Variants in PPP1R21 observed in about 807,000 individuals in gnomAD.
PPP1R21 encodes the protein KLRAQ motif containing 1.
PPP1R21 carries 85 observed loss-of-function variants against 112.8 expected under a neutral mutation model. The observed-to-expected ratio is 0.75, with a 90% CI of 0.63 to 0.90. PPP1R21 has a LOEUF of 0.90. PPP1R21 is among the 40% of genes least tolerant of loss of function. PPP1R21 has a pLI of 0.00. For synonymous variants in PPP1R21, 381 were observed against 322.3 expected, an observed-to-expected ratio of 1.18 and a Z score of -1.95; for missense variants, 1,199 against 901.5, an observed-to-expected ratio of 1.33 and a Z score of -4.23.
At chr2:48,498,800 TCAA>T in intron 17 of PPP1R21, 65 bp downstream of exon 17, 2 of 1,513,966 alleles carry the variant, frequency 1.3e-6, no homozygotes, top group Non-Finnish European at 1.8e-6. Context: ...TATCTAATGT[TCAA>T]CATTAACCAT....
At chr2:48,493,017 T>C (rs1398379326) in intron 15 of PPP1R21, among the ~76,000 whole-genome samples, 17 of 143,254 alleles carry the variant, frequency 1.2e-4, no homozygotes, top group Non-Finnish European at 1.5e-5. Flanking sequence ...TTACCTTTTT[T>C]TTTTTTTTTT....
intron 14 of PPP1R21, among the ~76,000 whole-genome samples, chr2:48,487,573 A>C (rs1669362126): frequency 6.6e-6 from 1 of 151,998 alleles, no homozygotes; most frequent in South Asian, 2.1e-4. Flanking sequence ...GACCAGCCTC[A>C]GCAACATGTC....
chr2:48,463,834 G>A (rs192290476), intron 7 of PPP1R21, among the ~76,000 whole-genome samples: 1 of 151,874 alleles, frequency 6.6e-6, no homozygotes, highest in African/African-American at 2.4e-5. Flanking sequence ...GGTGGAGGGT[G>A]GGGAGTGTAA....
chr2:48,451,988 C>G (rs902284310), intron 2 of PPP1R21, among the ~76,000 whole-genome samples: 12 of 152,322 alleles, frequency 7.9e-5, no homozygotes, highest in African/African-American at 2.6e-4. Context: ...AGCACACTCT[C>G]AGGGTTGAGA....
intron 1 of PPP1R21, among the ~76,000 whole-genome samples, chr2:48,447,672 G>C (rs972903022): frequency 6.6e-6 from 1 of 152,184 alleles, no homozygotes; most frequent in Non-Finnish European, 1.5e-5. Flanking sequence ...AGGCTGGCTG[G>C]ATGTGGTGAC....
intron 17 of PPP1R21, among the ~76,000 whole-genome samples, chr2:48,504,480 A>G (rs1670279841): frequency 6.6e-6 from 1 of 152,158 alleles, no homozygotes; most frequent in South Asian, 2.1e-4. Flanking sequence ...CCTCTACTAA[A>G]GATACAAAAA....
In PPP1R21 at chr2:48,461,195, A is replaced by G. The variant is rs2103802886; in HGVS notation, c.657A>G (p.Leu219=). ...TGTCAGGTAGATTAGAGGAATCCTT[A>G]TCAATCATCAATGAAAAAGTACCTT... ...EDLSGRLEES[L]SIINEKVPFN... Residue 219 remains leucine (L), a synonymous_variant, in exon 7 of 22, where the codon TTA becomes TTG. Transcript: ENST00000294952. 1 of 1,582,478 alleles carries G rather than the reference A, an allele frequency of 6.3e-7. No homozygotes were observed. The highest frequency in any genetic ancestry group is 8.5e-7 in the Non-Finnish European group (1 of 1,170,386).
At chr2:48,482,747 T>C (rs1044631868) in intron 13 of PPP1R21, among the ~76,000 whole-genome samples, 6 of 151,154 alleles carry the variant, frequency 4.0e-5, no homozygotes, top group Admixed American at 2.6e-4. Context: ...CAAAGTTTAG[T>C]GTGTATACAC....
intron 17 of PPP1R21, 63 bp downstream of exon 17, chr2:48,498,798 G>C: frequency 6.6e-7 from 1 of 1,519,212 alleles, no homozygotes; most frequent in East Asian, 2.3e-5. Flanking sequence ...AGTATCTAAT[G>C]TTCAACATTA....
intron 15 of PPP1R21, among the ~76,000 whole-genome samples, chr2:48,493,056 G>A (rs1207278162): frequency 3.4e-5 from 4 of 119,060 alleles, no homozygotes; most frequent in East Asian, 2.5e-4. Flanking sequence ...TTGCACTATC[G>A]CCCAGGCTGG....
chr2:48,453,875 A>C (rs984698121), intron 2 of PPP1R21, among the ~76,000 whole-genome samples: 2 of 152,206 alleles, frequency 1.3e-5, no homozygotes, highest in Non-Finnish European at 2.9e-5. Flanking sequence ...AAATTCAGGG[A>C]GGATTTACAG....
chr2:48,490,959 A>G (rs977964545), intron 14 of PPP1R21, 59 bp from the exon 15 acceptor site: 12 of 1,440,008 alleles, frequency 8.3e-6, no homozygotes, highest in Non-Finnish European at 1.2e-5. Flanking sequence ...ACTATTAGAT[A>G]TATATTTTAG....
intron 12 of PPP1R21, among the ~76,000 whole-genome samples, chr2:48,476,695 C>T (rs1013597720): frequency 3.9e-5 from 6 of 152,044 alleles, no homozygotes; most frequent in African/African-American, 9.7e-5. Context: ...TTCCTGATTG[C>T]GAGTGATGTT....
intron 14 of PPP1R21, among the ~76,000 whole-genome samples, chr2:48,488,946 C>A (rs947767722): frequency 2.7e-4 from 41 of 152,152 alleles, no homozygotes; most frequent in African/African-American, 8.0e-4. Context: ...CAAATGCAAA[C>A]ACTGTGTGAA....
At chr2:48,477,849 T>TA (rs1668828004) in intron 12 of PPP1R21, among the ~76,000 whole-genome samples, 1 of 152,160 alleles carries the variant, frequency 6.6e-6, no homozygotes, top group Non-Finnish European at 1.5e-5. Context: ...CCCAAAATAA[T>TA]ATGTGAAATT....
intron 12 of PPP1R21, 92 bp from the exon 13 acceptor site, chr2:48,479,832 A>G (rs144364924): frequency 1.2e-5 from 10 of 824,052 alleles, no homozygotes; most frequent in Middle Eastern, 2.2e-4. Flanking sequence ...ATTACAACCA[A>G]TCTTCATTCT....
chr2:48,482,598 G>A (rs779804102), intron 13 of PPP1R21, among the ~76,000 whole-genome samples: 10 of 151,306 alleles, frequency 6.6e-5, no homozygotes, highest in African/African-American at 1.5e-4. Context: ...CAGATTCAGG[G>A]TCAGCCAGAA....
intron 19 of PPP1R21, among the ~76,000 whole-genome samples, chr2:48,509,016 A>C (rs540286221): frequency 6.6e-6 from 1 of 152,352 alleles, no homozygotes; most frequent in East Asian, 1.9e-4. Context: ...GTGTTTCAAC[A>C]GATTCTCCTT....
intron 16 of PPP1R21, among the ~76,000 whole-genome samples, chr2:48,496,640 G>C (rs1393557497): frequency 6.6e-6 from 1 of 152,100 alleles, no homozygotes; most frequent in East Asian, 1.9e-4. Context: ...GCTAGTTTTT[G>C]TATTTTTAGT....
Sources: gnomAD v4.1 joint callset for allele counts (sites outside exome capture counted in the v4.1 genomes callset) on GRCh38, gnomAD v4.1.1 for gene constraint, MANE v1.5 for transcripts, NCBI Gene and HGNC (gene_info 2026-07-23, HGNC 2026-07-21) for gene names.